The following DGKB variants were observed in gnomAD, a reference collection of about 807,000 sequenced individuals.
DGKB encodes the protein diacylglycerol kinase beta, also known as 90 kDa diacylglycerol kinase.
In DGKB, 67 loss-of-function variants were observed where a neutral mutation model predicts 114.3. The observed-to-expected ratio is 0.59, with a 90% confidence interval of 0.48 to 0.72. The LOEUF (loss-of-function observed/expected upper bound fraction) is 0.72. DGKB is among the 30% of genes least tolerant of loss of function. The probability of loss-of-function intolerance (pLI) is 0.00; values close to 1 mark genes in which losing one functional copy is unlikely to be tolerated. For missense variants in DGKB, 907 were observed against 975.2 expected (o/e 0.93, Z 0.93); for synonymous variants, 398 against 323.1 (o/e 1.23, Z -2.49).
At chr7:14,451,382 C>T (rs1280133672) in intron 21 of DGKB, among the ~76,000 whole-genome samples, 5 of 152,000 alleles carry the variant, frequency 3.3e-5, no homozygotes, top group Admixed American at 3.3e-4. Context: ...CAGGTTTGGA[C>T]TCCACTAAAA....
intron 17 of DGKB, among the ~76,000 whole-genome samples, chr7:14,584,287 A>C (rs927630101): frequency 6.6e-6 from 1 of 152,178 alleles, no homozygotes; most frequent in African/African-American, 2.4e-5. Context: ...CCTGTGTCTC[A>C]TTACTACAAA....
intron 1 of DGKB, among the ~76,000 whole-genome samples, chr7:14,932,794 G>C (rs1177998599): frequency 1.3e-5 from 2 of 152,188 alleles, no homozygotes; most frequent in East Asian, 3.9e-4. Flanking sequence ...GTTTATCAAA[G>C]CTAATCTGTT....
intron 1 of DGKB, among the ~76,000 whole-genome samples, chr7:14,934,596 A>T (rs1189065898): frequency 6.6e-6 from 1 of 152,306 alleles, no homozygotes; most frequent in African/African-American, 2.4e-5. Flanking sequence ...AATTTCAACA[A>T]GTAAAAGTGA....
At chr7:14,149,985 G>A (rs1024597813) in intron 25 of DGKB, among the ~76,000 whole-genome samples, 10 of 152,118 alleles carry the variant, frequency 6.6e-5, no homozygotes, top group Middle Eastern at 3.4e-3. Context: ...TCTCTAATTC[G>A]ACTCTAAATT....
chr7:14,898,911 T>G (rs1226917292), intron 1 of DGKB, among the ~76,000 whole-genome samples: 3 of 152,158 alleles, frequency 2.0e-5, no homozygotes, highest in Non-Finnish European at 4.4e-5. Context: ...GTTTCAAGTT[T>G]ACAATGCAAT....
chr7:14,495,587 C>T (rs1168795710), intron 20 of DGKB, among the ~76,000 whole-genome samples: 6 of 151,642 alleles, frequency 4.0e-5, no homozygotes, highest in Admixed American at 3.3e-4. Context: ...TAATGAAACC[C>T]TTCATTTATT....
intron 20 of DGKB, among the ~76,000 whole-genome samples, chr7:14,539,945 G>A (rs140149338): frequency 4.0e-5 from 6 of 151,764 alleles, no homozygotes; most frequent in East Asian, 3.9e-4. Flanking sequence ...AATTAATCTC[G>A]TGTAGCATGA....
chr7:14,338,431 T>C, intron 23 of DGKB, 84 bp downstream of exon 23: 1 of 752,344 alleles, frequency 1.3e-6, no homozygotes, highest in Non-Finnish European at 2.1e-6. Context: ...ATTATTATAG[T>C]GCAACGGAAG....
chr7:14,611,742 AT>A (rs1805584374), intron 16 of DGKB, among the ~76,000 whole-genome samples: 1 of 151,672 alleles, frequency 6.6e-6, no homozygotes, highest in African/African-American at 2.4e-5. Flanking sequence ...AAAATTATTT[AT>A]ATGTACTGGT....
intron 2 of DGKB, among the ~76,000 whole-genome samples, chr7:14,795,517 A>G (rs1229350902): frequency 1.3e-5 from 2 of 152,178 alleles, no homozygotes; most frequent in African/African-American, 4.8e-5. Context: ...TACTGTGAAT[A>G]ATAAATTTGT....
intron 23 of DGKB, among the ~76,000 whole-genome samples, chr7:14,276,300 G>A (rs184921461): frequency 1.2e-4 from 19 of 152,134 alleles, no homozygotes; most frequent in Admixed American, 4.6e-4. Context: ...TCGACACCAC[G>A]CAAGCCAACA....
intron 6 of DGKB, among the ~76,000 whole-genome samples, chr7:14,710,898 C>T (rs1157432681): frequency 6.6e-6 from 1 of 151,918 alleles, no homozygotes; most frequent in African/African-American, 2.4e-5. Flanking sequence ...TATAACTGTA[C>T]TTGATTGCTA....
At chr7:14,530,533 G>T (rs552962428) in intron 20 of DGKB, among the ~76,000 whole-genome samples, 2 of 151,524 alleles carry the variant, frequency 1.3e-5, no homozygotes, top group Middle Eastern at 3.4e-3. Context: ...AAGAGGTGAG[G>T]CTTGAAAATT....
intron 23 of DGKB, among the ~76,000 whole-genome samples, chr7:14,203,697 C>G (rs1256204275): frequency 6.6e-6 from 1 of 151,870 alleles, no homozygotes. Flanking sequence ...TTATAATGTA[C>G]TGGGGCCATG....
At chr7:14,370,103 C>G (rs1817385255) in intron 21 of DGKB, among the ~76,000 whole-genome samples, 1 of 151,986 alleles carries the variant, frequency 6.6e-6, no homozygotes, top group Non-Finnish European at 1.5e-5. Flanking sequence ...GTCTTTAATC[C>G]ATCTTGAGTT....
Position 14,607,440 on chromosome 7 carries a change from A to T in DGKB, c.1427T>A (p.Met476Lys). The T allele has an allele frequency of 6.5e-7, 1 of 1,531,772 alleles. No homozygotes were observed. The highest frequency in any genetic ancestry group is 9.0e-7 in the Non-Finnish European group (1 of 1,107,314). The allele number at this position is 1,531,772 out of a possible 1,614,324, so 94.9% of individuals were successfully genotyped here. A position where few individuals can be genotyped will look rare whatever the true frequency, so the allele number is the denominator to read the frequency against. Residue 476 changes from methionine to lysine, a missense_variant, in exon 17 of 26, where the codon ATG (methionine) becomes AAG (lysine). Coordinates refer to ENST00000402815, the MANE Select transcript of DGKB (RefSeq NM_001350709.2). ...QVYSLSGNGP[M>K]PGLNFFRDVP... is the part of the protein sequence containing the mutation. ...ATATTATCCTTGGACTTACCCTGGC[A>T]TTGGTCCATTTCCAGAAAGACTGTA... is the stretch of plus-strand genomic sequence containing the variant.
At chr7:14,490,733 A>G (rs1472464936) in intron 20 of DGKB, among the ~76,000 whole-genome samples, 1 of 152,174 alleles carries the variant, frequency 6.6e-6, no homozygotes, top group East Asian at 1.9e-4. Context: ...TTACGATCCT[A>G]ATTGAAACAA....
At chr7:14,557,163 G>C (rs921502234) in intron 20 of DGKB, among the ~76,000 whole-genome samples, 3 of 152,224 alleles carry the variant, frequency 2.0e-5, no homozygotes, top group African/African-American at 7.2e-5. Flanking sequence ...TAGGTGATTC[G>C]AATTCATGCT....
At chr7:14,602,395 A>T (rs1803710937) in intron 17 of DGKB, among the ~76,000 whole-genome samples, 1 of 152,314 alleles carries the variant, frequency 6.6e-6, no homozygotes, top group African/African-American at 2.4e-5. Flanking sequence ...GGGGGACCCA[A>T]TCCAGAATGC....
Sources: gnomAD v4.1 joint callset for allele counts (sites outside exome capture counted in the v4.1 genomes callset) on GRCh38, gnomAD v4.1.1 for gene constraint, MANE v1.5 for transcripts, NCBI Gene and HGNC (gene_info 2026-07-23, HGNC 2026-07-21) for gene names.